SNX4: variants seen among roughly 807,000 people sequenced by gnomAD.
The protein encoded by SNX4 is sorting nexin-4.
SNX4 carries 49 observed loss-of-function variants against 70.8 expected under a neutral mutation model. The observed-to-expected ratio is 0.69, with a 90% CI of 0.55 to 0.88. The LOEUF (loss-of-function observed/expected upper bound fraction) is 0.88. Among genes scored for constraint, SNX4 ranks in the 40% least tolerant of loss-of-function variants. The pLI is 0.00. For synonymous variants in SNX4, 206 were observed against 183.8 expected, an observed-to-expected ratio of 1.12 and a Z score of -0.98; for missense variants, 528 against 544.8, an observed-to-expected ratio of 0.97 and a Z score of 0.31.
chr3:125,448,906 T>C (rs1235024805), intron 13 of SNX4, among the ~76,000 whole-genome samples: 1 of 151,512 alleles, frequency 6.6e-6, no homozygotes, highest in Non-Finnish European at 1.5e-5. Flanking sequence ...GTCGATCTCC[T>C]GACCTCGTGA....
chr3:125,504,775 A>G, intron 1 of SNX4, 31 bp from the exon 2 acceptor site: 1 of 1,606,492 alleles, frequency 6.2e-7, no homozygotes, highest in Middle Eastern at 1.8e-4. Context: ...CAACAACAAC[A>G]ACAAAAACCT....
chr3:125,500,694 C>T (rs1248633079), intron 2 of SNX4, among the ~76,000 whole-genome samples: 4 of 145,398 alleles, frequency 2.8e-5, no homozygotes, highest in Non-Finnish European at 4.5e-5. Flanking sequence ...CCCAGCTACT[C>T]GGGAGGCTGA....
intron 1 of SNX4, among the ~76,000 whole-genome samples, chr3:125,514,477 C>T (rs1159103132): frequency 1.3e-5 from 2 of 151,466 alleles, no homozygotes; most frequent in African/African-American, 4.9e-5. Flanking sequence ...CTGCAACCTC[C>T]ACCTCCTAGG....
intron 6 of SNX4, among the ~76,000 whole-genome samples, chr3:125,484,944 T>C (rs1934488711): frequency 6.6e-6 from 1 of 152,018 alleles, no homozygotes; most frequent in Admixed American, 6.6e-5. Flanking sequence ...TGGGCGCCTG[T>C]AATCCCAGCT....
chr3:125,494,803 A>T (rs115820021), intron 5 of SNX4, among the ~76,000 whole-genome samples: 1 of 152,168 alleles, frequency 6.6e-6, no homozygotes, highest in Non-Finnish European at 1.5e-5. Flanking sequence ...AACCATTACA[A>T]ACAATTAATA....
chr3:125,506,443 C>A (rs574978451), intron 1 of SNX4, among the ~76,000 whole-genome samples: 8 of 150,992 alleles, frequency 5.3e-5, no homozygotes, highest in African/African-American at 1.7e-4. Flanking sequence ...TGGATTCAAG[C>A]GATTCCTGTG....
intron 5 of SNX4, among the ~76,000 whole-genome samples, chr3:125,490,501 G>A (rs1200370930): frequency 7.1e-6 from 1 of 140,554 alleles, no homozygotes; most frequent in Non-Finnish European, 1.5e-5. Flanking sequence ...TCCAGCCTGG[G>A]CGACAGAGTG....
chr3:125,485,442 C>A (rs1934500897), intron 6 of SNX4, among the ~76,000 whole-genome samples: 1 of 151,934 alleles, frequency 6.6e-6, no homozygotes, highest in Admixed American at 6.6e-5. Flanking sequence ...GGATTACAGG[C>A]ATGTGCCACC....
At chr3:125,456,506 G>GC (rs1390883327) in intron 11 of SNX4, among the ~76,000 whole-genome samples, 1 of 151,974 alleles carries the variant, frequency 6.6e-6, no homozygotes, top group Non-Finnish European at 1.5e-5. Flanking sequence ...AATTAGCCAG[G>GC]CATGGGGGCA....
intron 7 of SNX4, among the ~76,000 whole-genome samples, chr3:125,478,524 C>T (rs547753622): frequency 6.6e-6 from 1 of 151,510 alleles, no homozygotes; most frequent in South Asian, 2.1e-4. Flanking sequence ...TTTAACACCA[C>T]ATATGAATCA....
chr3:125,450,493 T>A (rs757202834), intron 13 of SNX4, among the ~76,000 whole-genome samples: 1 of 152,228 alleles, frequency 6.6e-6, no homozygotes, highest in Non-Finnish European at 1.5e-5. Flanking sequence ...ATGTGAGAAT[T>A]CATCTTACCA....
At chr3:125,519,960 CCCA>C in intron 1 of SNX4, 69 bp downstream of exon 1, 1 of 1,262,208 alleles carries the variant, frequency 7.9e-7, no homozygotes, top group Non-Finnish European at 1.1e-6. Flanking sequence ...CCCAGCCCAG[CCCA>C]GCCCAGCCCA....
intron 5 of SNX4, among the ~76,000 whole-genome samples, chr3:125,491,837 G>A (rs535721085): frequency 5.9e-5 from 9 of 152,240 alleles, no homozygotes; most frequent in East Asian, 1.9e-4. Context: ...AGCCGGGCAC[G>A]GTGGCTTATG....
rs1396564902 is a variant in SNX4, at chr3:125,457,410, T to C, written c.945-45A>G. 4 of 1,429,420 alleles carry C rather than the reference T, an allele frequency of 2.8e-6. No homozygotes were observed. In the South Asian group the frequency reaches 3.4e-5, roughly 12 times the overall value. The allele number at this position is 1,429,420 out of a possible 1,614,324, so 88.5% of individuals were successfully genotyped here. On this transcript the variant is annotated intron_variant, in intron 10 of 13. Transcript: ENST00000251775. Reference sequence around the variant, plus strand: ...CTGCCATTTAACTTTTCCTTTAACATGTCAAACATTTTTTTCAAGGGTAGA... The same window carrying C: ...CTGCCATTTAACTTTTCCTTTAACACGTCAAACATTTTTTTCAAGGGTAGA...
At chr3:125,495,252 A>ATATATATATATATATATATATG (rs1256205937) in intron 5 of SNX4, among the ~76,000 whole-genome samples, 7 of 37,880 alleles carry the variant, frequency 1.8e-4, no homozygotes, top group African/African-American at 9.2e-4. Context: ...TTCTCTCTTT[A>ATATATATATATATATATATATG]TATATATATA....
At chr3:125,486,196 A>C (rs1934525197) in intron 6 of SNX4, among the ~76,000 whole-genome samples, 1 of 152,176 alleles carries the variant, frequency 6.6e-6, no homozygotes, top group South Asian at 2.1e-4. Context: ...CTCACTATAT[A>C]GATTTTTCTC....
intron 9 of SNX4, among the ~76,000 whole-genome samples, chr3:125,468,652 C>A (rs554107950): frequency 2.0e-5 from 3 of 152,274 alleles, no homozygotes; most frequent in Admixed American, 2.0e-4. Context: ...CCAAGATCGA[C>A]CTGGGCAACA....
intron 5 of SNX4, 99 bp downstream of exon 5, chr3:125,497,242 A>G: frequency 1.5e-6 from 1 of 666,970 alleles, no homozygotes; most frequent in Non-Finnish European, 2.6e-6. Context: ...ACGATTTCCA[A>G]CATTCATTTA....
chr3:125,497,690 C>T lies in SNX4; in HGVS notation c.549+144G>A, dbSNP rs1335374019. On this transcript the variant is annotated intron_variant, in intron 4 of 13. Transcript: ENST00000251775. ...TAGAAAAAGTTAACCAAAAGAATGACATAATCCATTAATTAGAAATTCATA... is the reference window on the plus strand; with the variant it reads ...TAGAAAAAGTTAACCAAAAGAATGATATAATCCATTAATTAGAAATTCATA... 1.2e-5 allele frequency: 7 copies of T among 607,962 alleles called. 1 individual carries two copies. In the Admixed American group the frequency reaches 2.2e-4, roughly 19 times the overall value. The allele number at this position is 607,962 out of a possible 1,614,324, so 37.7% of individuals were successfully genotyped here.
Sources: gnomAD v4.1 joint callset for allele counts (sites outside exome capture counted in the v4.1 genomes callset) on GRCh38, gnomAD v4.1.1 for gene constraint, MANE v1.5 for transcripts, NCBI Gene and HGNC (gene_info 2026-07-23, HGNC 2026-07-21) for gene names.